Variants in THRB observed in about 807,000 individuals in gnomAD.
THRB encodes the protein thyroid hormone receptor beta.
A neutral mutation model predicts 47.8 loss-of-function variants in THRB; 12 were observed. That is an observed-to-expected ratio of 0.25 (90% CI 0.16 to 0.41). The LOEUF is 0.41. THRB is among the 10% of genes least tolerant of loss of function. The pLI is 1.00. For synonymous variants in THRB, 218 were observed against 212.2 expected (o/e 1.03, Z -0.24); for missense variants, 348 against 589.2 (o/e 0.59, Z 4.24).
intron 3 of THRB, among the ~76,000 whole-genome samples, chr3:24,246,132 G>C (rs921545491): frequency 6.6e-6 from 1 of 152,176 alleles, no homozygotes; most frequent in Admixed American, 6.5e-5. Flanking sequence ...ATGAGTTCAT[G>C]CAAGAAAAGG....
intron 1 of THRB, among the ~76,000 whole-genome samples, chr3:24,490,977 T>C (rs1486769098): frequency 2.0e-5 from 3 of 152,198 alleles, no homozygotes; most frequent in Non-Finnish European, 4.4e-5. Flanking sequence ...TCACTTTATG[T>C]AGAATTGAAG....
intron 5 of THRB, among the ~76,000 whole-genome samples, chr3:24,169,907 C>T (rs903444957): frequency 6.6e-6 from 1 of 151,998 alleles, no homozygotes; most frequent in African/African-American, 2.4e-5. Flanking sequence ...GCAAGAGAGA[C>T]CTTATAGCCT....
At chr3:24,372,953 G>T (rs1208427080) in intron 1 of THRB, among the ~76,000 whole-genome samples, 5 of 152,096 alleles carry the variant, frequency 3.3e-5, no homozygotes, top group Non-Finnish European at 5.9e-5. Flanking sequence ...GCCTGTTTTT[G>T]TCGTGGTTTT....
chr3:24,456,636 A>G (rs1381699741), intron 1 of THRB, among the ~76,000 whole-genome samples: 1 of 150,542 alleles, frequency 6.6e-6, no homozygotes, highest in African/African-American at 2.4e-5. Flanking sequence ...TAGTTTAATT[A>G]AAAATATTAA....
Position 24,143,497 on chromosome 3 carries a change from T to C in THRB, c.738+4A>G. ...TGAAACTGATCTGTGCAAGGAAGCCTTACCAGGAATTTCCGTTTTTGCTTC... is the reference window on the plus strand; with the variant it reads ...TGAAACTGATCTGTGCAAGGAAGCCCTACCAGGAATTTCCGTTTTTGCTTC... On this transcript the variant is annotated splice_donor_region_variant and intron_variant, in intron 8 of 10. Transcript: ENST00000646209. The C allele has an allele frequency of 6.2e-7, 1 of 1,614,098 alleles. No homozygotes were observed. The highest frequency in any genetic ancestry group is 8.5e-7 in the Non-Finnish European group (1 of 1,179,932).
At chr3:24,135,566 G>A (rs1384105623) in intron 8 of THRB, among the ~76,000 whole-genome samples, 1 of 152,054 alleles carries the variant, frequency 6.6e-6, no homozygotes, top group Non-Finnish European at 1.5e-5. Flanking sequence ...AGGCAGAATT[G>A]ATGAAATAAT....
intron 4 of THRB, among the ~76,000 whole-genome samples, chr3:24,221,031 T>G (rs1386594736): frequency 6.6e-6 from 1 of 152,218 alleles, no homozygotes; most frequent in African/African-American, 2.4e-5. Context: ...CTCTGCAGGC[T>G]TGGGGAACTG....
intron 6 of THRB, among the ~76,000 whole-genome samples, chr3:24,147,042 CCTT>C (rs1304765473): frequency 6.6e-6 from 1 of 152,086 alleles, no homozygotes; most frequent in Non-Finnish European, 1.5e-5. Flanking sequence ...AGAGTCAACA[CCTT>C]TTTTTTTGGT....
chr3:24,188,500 T>A (rs2042890019), intron 5 of THRB, among the ~76,000 whole-genome samples: 1 of 152,162 alleles, frequency 6.6e-6, no homozygotes, highest in Admixed American at 6.6e-5. Context: ...AGATTTATTT[T>A]AAATGATTGA....
chr3:24,382,061 G>C (rs2065753477), intron 1 of THRB, among the ~76,000 whole-genome samples: 1 of 151,846 alleles, frequency 6.6e-6, no homozygotes, highest in South Asian at 2.1e-4. Context: ...AAAACCAGTG[G>C]AGAAACAGAA....
chr3:24,347,739 A>C (rs1398071750), intron 1 of THRB, among the ~76,000 whole-genome samples: 1 of 151,928 alleles, frequency 6.6e-6, no homozygotes, highest in African/African-American at 2.4e-5. Flanking sequence ...AATGAAATGG[A>C]CACATTGCTT....
upstream of THRB, chr3:24,495,688 T>A (rs1231761329): frequency 1.3e-5 from 2 of 152,126 alleles, no homozygotes; most frequent in Non-Finnish European, 2.9e-5. Context: ...CAGGAGCACG[T>A]CTCGGCCTTC....
intron 3 of THRB, among the ~76,000 whole-genome samples, chr3:24,261,017 G>T (rs112693680): frequency 7.0e-6 from 1 of 142,948 alleles, no homozygotes; most frequent in Non-Finnish European, 1.5e-5. Context: ...AAGTGATGCC[G>T]ATGCTGCTGG....
intron 5 of THRB, among the ~76,000 whole-genome samples, chr3:24,166,110 G>C (rs576446325): frequency 6.6e-6 from 1 of 152,298 alleles, no homozygotes; most frequent in South Asian, 2.1e-4. Flanking sequence ...GAAGTACACG[G>C]TTGAAAATGC....
intron 5 of THRB, among the ~76,000 whole-genome samples, chr3:24,159,055 A>G (rs569463180): frequency 1.3e-5 from 2 of 152,336 alleles, no homozygotes; most frequent in Admixed American, 6.5e-5. Context: ...AGCAATTTAT[A>G]GCTTTGGGCT....
In THRB at chr3:24,321,331, C is replaced by T. The variant is rs141447995; in HGVS notation, c.-189+15969G>A. Among the ~76,000 whole-genome samples the T allele has an allele frequency of 4.8e-4, 73 of 152,046 alleles. No homozygotes were observed. The East Asian group carries it at 7.0e-3, about 14-fold the overall frequency. ...TTCCACATCCCTAGGCAGTGTATCC[C>T]GAAGAGTGATATGAAAGATAAGTTT... On this transcript the variant is annotated intron_variant, in intron 2 of 10. Coordinates refer to ENST00000646209, the MANE Select transcript of THRB (RefSeq NM_001354712.2).
At chr3:24,340,577 A>G (rs1190505316) in intron 1 of THRB, among the ~76,000 whole-genome samples, 1 of 152,120 alleles carries the variant, frequency 6.6e-6, no homozygotes, top group East Asian at 1.9e-4. Context: ...ATTGAAGGCC[A>G]GTGAAGTCTT....
At chr3:24,458,976 T>A (rs1412399465) in intron 1 of THRB, 1 of 151,720 alleles carries the variant, frequency 6.6e-6, no homozygotes, top group Non-Finnish European at 1.5e-5. Context: ...TTATTTATTA[T>A]ACTTTAAGTT....
rs905859487 is a variant in THRB, at chr3:24,118,828, C to G, written c.*4056G>C. 6.6e-6 allele frequency: 1 copy of G among 152,622 alleles called. No homozygotes were observed. Among genetic ancestry groups the G allele is most frequent in the African/African-American group, 2.4e-5 (1 of 41,464 alleles). The allele number at this position is 152,622 out of a possible 1,614,324, so 9.5% of individuals were successfully genotyped here. A position where few individuals can be genotyped will look rare whatever the true frequency, so the allele number is the denominator to read the frequency against. On this transcript the variant is annotated 3_prime_UTR_variant, in exon 11 of 11. Coordinates refer to ENST00000646209, the MANE Select transcript of THRB (RefSeq NM_001354712.2). ...CTGTGCAACAGAAAGCCACAAACAG[C>G]GTTTTACCTGCACAATATTGCTCTT... is the stretch of plus-strand genomic sequence containing the variant.
Sources: gnomAD v4.1 joint callset for allele counts (sites outside exome capture counted in the v4.1 genomes callset) on GRCh38, gnomAD v4.1.1 for gene constraint, MANE v1.5 for transcripts, NCBI Gene and HGNC (gene_info 2026-07-23, HGNC 2026-07-21) for gene names.